ZFYVE27: variants seen among roughly 807,000 people sequenced by gnomAD.
ZFYVE27 encodes protrudin.
A neutral mutation model predicts 52.8 loss-of-function variants in ZFYVE27; 36 were observed. The observed-to-expected ratio is 0.68, with a 90% CI of 0.52 to 0.90. The LOEUF (loss-of-function observed/expected upper bound fraction) is 0.90. Among genes scored for constraint, ZFYVE27 ranks in the 40% least tolerant of loss-of-function variants. The pLI is 0.00. For synonymous variants in ZFYVE27, 223 were observed against 215.6 expected, an observed-to-expected ratio of 1.03 and a Z score of -0.30; for missense variants, 450 against 527.2, an observed-to-expected ratio of 0.85 and a Z score of 1.43.
intron 4 of ZFYVE27, among the ~76,000 whole-genome samples, chr10:97,745,397 T>A (rs1457334488): frequency 6.6e-6 from 1 of 152,032 alleles, no homozygotes. Context: ...GTCACGATGG[T>A]CTCGATCTCT....
chr10:97,759,162 G>C, intron 12 of ZFYVE27, 74 bp from the exon 13 acceptor site: 1 of 1,539,036 alleles, frequency 6.5e-7, no homozygotes, highest in Non-Finnish European at 9.0e-7. Context: ...CATTTGGGAG[G>C]GTGCTTCTAG....
chr10:97,746,328 A>G (rs2045412343), intron 4 of ZFYVE27, among the ~76,000 whole-genome samples: 1 of 152,134 alleles, frequency 6.6e-6, no homozygotes, highest in Non-Finnish European at 1.5e-5. Context: ...GATTGCAGGC[A>G]TGAGCCACCG....
In ZFYVE27 at chr10:97,744,794, G is replaced by T; in HGVS notation, c.334G>T (p.Val112Phe). 1 of 1,614,072 alleles carries T rather than the reference G, an allele frequency of 6.2e-7. No individual in the cohort carries two copies. The highest frequency in any genetic ancestry group is 1.1e-5 in the South Asian group (1 of 91,070). Residue 112 changes from valine (V) to phenylalanine (F), a missense_variant, in exon 4 of 13, where the codon GTT becomes TTT. Val to Phe is a conservative substitution (Grantham distance 50). Coordinates refer to ENST00000684270, the MANE Select transcript of ZFYVE27 (RefSeq NM_001385875.1). ...CGCCCTGCTGGGCTACCTTCAGGAG[G>T]TTTGCCGGGCACGGCTGCCTGATTC... ...VPALLGYLQE[V>F]CRARLPDSEL...
rs759864503 is a variant in ZFYVE27 at position 97,738,620 on chromosome 10, A to AG, written c.144dup (p.Ile49AspfsTer11). 6.2e-7 allele frequency: 1 copy of AG among 1,614,184 alleles called. No individual in the cohort carries two copies. Among genetic ancestry groups the AG allele is most frequent in the Non-Finnish European group, 8.5e-7 (1 of 1,180,038 alleles). On this transcript the variant is annotated frameshift_variant, in exon 2 of 13. Coordinates refer to ENST00000684270, the MANE Select transcript of ZFYVE27 (RefSeq NM_001385875.1). LOFTEE classifies it high-confidence loss of function. ...TTGGTTCTCTCCTACAAGAGGCTGG[A>AG]GATCTACCTGGAACCCTTGAAGGAT...
intron 12 of ZFYVE27, among the ~76,000 whole-genome samples, chr10:97,758,706 G>T (rs1463060675): frequency 6.6e-6 from 1 of 152,218 alleles, no homozygotes; most frequent in Non-Finnish European, 1.5e-5. Flanking sequence ...CGAAGGAAGA[G>T]AAAAATAACC....
At chr10:97,758,046 C>T (rs572230120) in intron 12 of ZFYVE27, 8 of 223,368 alleles carry the variant, frequency 3.6e-5, no homozygotes, top group African/African-American at 1.4e-4. Context: ...AATCACCAGC[C>T]GCAATTTTAA....
chr10:97,738,469 G>T lies in ZFYVE27; in HGVS notation c.-1-8G>T. 1 of 1,613,728 alleles carries T rather than the reference G, an allele frequency of 6.2e-7. No individual in the cohort carries two copies. Among genetic ancestry groups the T allele is most frequent in the South Asian group, 1.1e-5 (1 of 91,044 alleles). On this transcript the variant is annotated splice_polypyrimidine_tract_variant and splice_region_variant and intron_variant, in intron 1 of 12. Transcript: ENST00000684270. ...CAATGCAAATGTTGGGAATTATTAT[G>T]GTTACAGGATGCAGACATCAGAACG... is the stretch of plus-strand genomic sequence containing the variant.
chr10:97,757,857 A>G (rs2048778295), intron 12 of ZFYVE27, 134 bp downstream of exon 12: 2 of 786,194 alleles, frequency 2.5e-6, no homozygotes, highest in Non-Finnish European at 4.2e-6. Flanking sequence ...CGTTTCCTCC[A>G]TCCCCTTTAG....
chr10:97,739,081 A>G (rs898175612), intron 2 of ZFYVE27, among the ~76,000 whole-genome samples: 5 of 145,166 alleles, frequency 3.4e-5, no homozygotes, highest in Admixed American at 7.1e-5. Flanking sequence ...CCTGTGAATA[A>G]GCAGATACCA....
In ZFYVE27 at chr10:97,757,690, T is replaced by G; in HGVS notation, c.1138T>G (p.Phe380Val). ...GNSFCSRCCS[F>V]KVPKSSMGAT... is the part of the protein sequence containing the mutation. ...CAGCTTCTGCTCTCGATGCTGCTCC[T>G]TCAAGGTGCCCAAGTCCTCCATGGG... Residue 380 changes from phenylalanine to valine, a missense_variant, in exon 12 of 13, where the codon TTC (phenylalanine) becomes GTC (valine). Physicochemically the swap from Phe to Val is conservative, Grantham distance 50. Coordinates refer to ENST00000684270, the MANE Select transcript of ZFYVE27 (RefSeq NM_001385875.1). 6.2e-7 allele frequency: 1 copy of G among 1,614,216 alleles called. No homozygotes were observed. The highest frequency in any genetic ancestry group is 8.5e-7 in the Non-Finnish European group (1 of 1,180,030).
chr10:97,737,437 C>G (rs1310934371), intron 1 of ZFYVE27, 116 bp downstream of exon 1: 1 of 152,628 alleles, frequency 6.6e-6, no homozygotes, highest in East Asian at 1.9e-4. Flanking sequence ...GCATGGCCTT[C>G]CCTGTCCAGC....
chr10:97,748,002 CCT>C lies in ZFYVE27; in HGVS notation c.456-266_456-265del, dbSNP rs1182863417. Among the ~76,000 whole-genome samples the C allele has an allele frequency of 5.3e-5, 8 of 152,182 alleles. No individual in the cohort carries two copies. In the East Asian group the frequency reaches 1.2e-3, roughly 22 times the overall value. Reference sequence around the variant, plus strand: ...AGCCCTGGAGAATTTCAGTAGCCTGCCTGACATCAACAGTTAGAAGACCAAAG... The same window carrying C: ...AGCCCTGGAGAATTTCAGTAGCCTGCGACATCAACAGTTAGAAGACCAAAG... On this transcript the variant is annotated intron_variant, in intron 4 of 12. Coordinates refer to ENST00000684270, the MANE Select transcript of ZFYVE27 (RefSeq NM_001385875.1).
intron 4 of ZFYVE27, among the ~76,000 whole-genome samples, chr10:97,745,195 A>C (rs1270637765): frequency 7.5e-6 from 1 of 132,782 alleles, no homozygotes; most frequent in Non-Finnish European, 1.6e-5. Flanking sequence ...TTTTTTTTTG[A>C]GACAGAGTTT....
intron 3 of ZFYVE27, among the ~76,000 whole-genome samples, chr10:97,743,888 A>G (rs904976404): frequency 6.6e-6 from 1 of 152,234 alleles, no homozygotes; most frequent in Non-Finnish European, 1.5e-5. Flanking sequence ...TAAAAAGCCA[A>G]ACCCCTCAGG....
rs1456113889 is a variant in ZFYVE27 at position 97,760,167 on chromosome 10, C to T, written c.*867C>T. 6.6e-6 allele frequency: 1 copy of T among 152,384 alleles called. No individual in the cohort carries two copies. The highest frequency in any genetic ancestry group is 2.4e-5 in the African/African-American group (1 of 41,466). The allele number at this position is 152,384 out of a possible 1,614,324, so 9.4% of individuals were successfully genotyped here. A position where few individuals can be genotyped will look rare whatever the true frequency, so the allele number is the denominator to read the frequency against. On this transcript the variant is annotated 3_prime_UTR_variant, in exon 13 of 13. Coordinates refer to ENST00000684270, the MANE Select transcript of ZFYVE27 (RefSeq NM_001385875.1). ...CAGCACTCCAGTTTCCTTTCCCTGC[C>T]TCTTGTCCAATGGAGTGGGAGGCCA...
chr10:97,742,723 A>G (rs2044069314), intron 2 of ZFYVE27, among the ~76,000 whole-genome samples: 2 of 152,204 alleles, frequency 1.3e-5, no homozygotes, highest in South Asian at 4.1e-4. Flanking sequence ...TTCTTATGAA[A>G]TTATAAAAAA....
intron 12 of ZFYVE27, 113 bp from the exon 13 acceptor site, chr10:97,759,123 T>G: frequency 1.8e-6 from 2 of 1,099,762 alleles, no homozygotes; most frequent in African/African-American, 1.5e-5. Context: ...GCAGGGAGGG[T>G]GTGGGCTGGG....
chr10:97,750,285 G>A lies in ZFYVE27; in HGVS notation c.665-46G>A, dbSNP rs775466004. On this transcript the variant is annotated intron_variant, in intron 6 of 12. Coordinates refer to ENST00000684270, the MANE Select transcript of ZFYVE27 (RefSeq NM_001385875.1). ...TGGGTACCCCTAAAGTGCCACTCAC[G>A]GTGTCTCATTTTTGCCTCCTACCTT... 17 of 1,611,124 alleles carry A rather than the reference G, an allele frequency of 1.1e-5. 1 individual carries two copies. The East Asian group carries it at 1.3e-4, about 13-fold the overall frequency.
At chr10:97,738,711 C>T in intron 2 of ZFYVE27, 37 bp downstream of exon 2, 1 of 1,611,290 alleles carries the variant, frequency 6.2e-7, no homozygotes. Context: ...TCTGCTCTGC[C>T]TTCTGCCGTC....
Sources: gnomAD v4.1 joint callset for allele counts (sites outside exome capture counted in the v4.1 genomes callset) on GRCh38, gnomAD v4.1.1 for gene constraint, MANE v1.5 for transcripts, NCBI Gene and HGNC (gene_info 2026-07-23, HGNC 2026-07-21) for gene names.